The following FAM53A variants were observed in gnomAD, a reference collection of about 807,000 sequenced individuals.
The protein encoded by FAM53A is protein FAM53A.
FAM53A carries 28 observed loss-of-function variants against 26.6 expected under a neutral mutation model. The ratio of observed to expected loss-of-function variants is 1.05; its 90% CI spans 0.78 to 1.45. The LOEUF is 1.45. FAM53A is among the 40% of genes most tolerant of loss of function. The pLI is 0.00. For missense variants in FAM53A, 650 were observed against 575.8 expected (o/e 1.13, Z -1.32); for synonymous variants, 290 against 253.1 (o/e 1.15, Z -1.38).
Position 1,641,158 on chromosome 4 carries a change from C to G in FAM53A, c.*135G>C, listed in dbSNP as rs1041405438. ...GTGCCGGCGGCAGCCGTGGCCCCGA[C>G]CAGCTCACAGGAAACCTACTCTGTG... On this transcript the variant is annotated 3_prime_UTR_variant, in exon 5 of 5. Coordinates refer to ENST00000308132, the MANE Select transcript of FAM53A (RefSeq NM_001174070.3). The G allele has an allele frequency of 9.2e-6, 6 of 649,490 alleles. No homozygotes were observed. The Admixed American group carries it at 1.9e-4, about 21-fold the overall frequency. The allele number at this position is 649,490 out of a possible 1,614,324, so 40.2% of individuals were successfully genotyped here. A position where few individuals can be genotyped will look rare whatever the true frequency, so the allele number is the denominator to read the frequency against.
rs552076164 is a variant in FAM53A, at chr4:1,645,704, C to T, written c.883-4097G>A. ...AGCAGTGCGCCCCCTGCCCAGCACT[C>T]GCTTCTGCCACCTCACTCACCACCT... On this transcript the variant is annotated intron_variant, in intron 4 of 4. Coordinates refer to ENST00000308132, the MANE Select transcript of FAM53A (RefSeq NM_001174070.3). 2.0e-5 allele frequency among the ~76,000 whole-genome samples: 3 copies of T among 152,332 alleles called. No individual in the cohort carries two copies. In the East Asian group the frequency reaches 5.8e-4, roughly 29 times the overall value.
the FAM53A span, among the ~76,000 whole-genome samples, chr4:1,576,660 C>T: frequency 2.6e-5 from 4 of 152,356 alleles, no homozygotes; most frequent in East Asian, 1.9e-4. Context: ...TCCAGAAAGT[C>T]GAAGAGGCGG....
Position 1,655,715 on chromosome 4 carries a change from G to A in FAM53A, c.145C>T (p.Pro49Ser), listed in dbSNP as rs752484281. 42 of 1,566,912 alleles carry A rather than the reference G, an allele frequency of 2.7e-5. No homozygotes were observed. The highest frequency in any genetic ancestry group is 2.4e-5 in the Non-Finnish European group (28 of 1,163,630). ...LFPLELNDQS[P>S]WKVFSGGPPV... ...GGTCCTCCACTGAAGACCTTCCAGGGACTCTGGTCTACAAAAAAAGACACA... is the reference window on the plus strand; with the variant it reads ...GGTCCTCCACTGAAGACCTTCCAGGAACTCTGGTCTACAAAAAAAGACACA... Residue 49 changes from proline to serine, a missense_variant, in exon 4 of 5, where the codon CCC becomes TCC. Transcript: ENST00000308132.
chr4:1,677,965 T>G (rs998236100), intron 1 of FAM53A, among the ~76,000 whole-genome samples: 1 of 151,714 alleles, frequency 6.6e-6, no homozygotes, highest in Non-Finnish European at 1.5e-5. Context: ...TAAATAAAGT[T>G]TATACAGAGA....
chr4:1,625,004 G>A (rs780838490), intron 1 of FAM53A, among the ~76,000 whole-genome samples: 1 of 120,626 alleles, frequency 8.3e-6, no homozygotes, highest in African/African-American at 3.5e-5. Flanking sequence ...TGATCAGAAG[G>A]CCCCACGTCC....
chr4:1,647,226 C>T (rs1218288938), intron 4 of FAM53A, among the ~76,000 whole-genome samples: 1 of 151,958 alleles, frequency 6.6e-6, no homozygotes, highest in Non-Finnish European at 1.5e-5. Flanking sequence ...ATCCCAGCTA[C>T]TCAGGAGACT....
At chr4:1,629,863 G>T (rs1255435681) in intron 1 of FAM53A, among the ~76,000 whole-genome samples, 2 of 152,270 alleles carry the variant, frequency 1.3e-5, no homozygotes, top group Non-Finnish European at 2.9e-5. Context: ...CAGAGGGCTG[G>T]CCCAGCTCCA....
chr4:1,623,049 AG>A (rs951036684), intron 1 of FAM53A, among the ~76,000 whole-genome samples: 19 of 152,334 alleles, frequency 1.2e-4, no homozygotes, highest in African/African-American at 4.3e-4. Flanking sequence ...CCACGGTCAC[AG>A]GGCTGACAGT....
intron 1 of FAM53A, among the ~76,000 whole-genome samples, chr4:1,618,641 G>A (rs1040134359): frequency 3.9e-5 from 6 of 152,286 alleles, no homozygotes; most frequent in East Asian, 1.9e-4. Context: ...GGCTGTGGCC[G>A]CCAAAGATGC....
At chr4:1,631,028 G>C (rs1715589959) in intron 1 of FAM53A, among the ~76,000 whole-genome samples, 1 of 152,104 alleles carries the variant, frequency 6.6e-6, no homozygotes, top group African/African-American at 2.4e-5. Context: ...TGGTGACTGG[G>C]GGAGACCCTG....
intron 1 of FAM53A, among the ~76,000 whole-genome samples, chr4:1,632,872 A>C (rs1407441595): frequency 3.9e-5 from 6 of 152,248 alleles, no homozygotes; most frequent in African/African-American, 9.6e-5. Context: ...ACACACAGGT[A>C]CACTTACACA....
intron 1 of FAM53A, among the ~76,000 whole-genome samples, chr4:1,621,035 C>T (rs1338897441): frequency 6.6e-6 from 1 of 150,872 alleles, no homozygotes; most frequent in East Asian, 1.9e-4. Context: ...GCCTCAGTTT[C>T]AGGAAGCAAG....
In FAM53A at chr4:1,642,669, ACCC is replaced by A. The variant is rs543227706; in HGVS notation, c.883-1065_883-1063del. ...AGCCCCTCAGCACTCCCGGGCCCCC[ACCC>A]CCCGCCACCTCCCAGTCCTTGCCTC... On this transcript the variant is annotated intron_variant, in intron 4 of 4. Coordinates refer to ENST00000308132, the MANE Select transcript of FAM53A (RefSeq NM_001174070.3). Among the ~76,000 whole-genome samples the A allele has an allele frequency of 1.5e-4, 14 of 91,824 alleles. No homozygotes were observed. The Admixed American group carries it at 1.7e-3, about 11-fold the overall frequency. The allele number at this position is 91,824 out of a possible 152,430, so 60.2% of individuals were successfully genotyped here.
At chr4:1,636,585 G>A (rs7679528), downstream of FAM53A, among the ~76,000 whole-genome samples, 9,854 of 152,280 alleles carry the variant, frequency 0.065, 400 homozygotes, top group Middle Eastern at 0.16. Flanking sequence ...TGGCTCACTC[G>A]TCCCTCAGGG....
At chr4:1,616,420 GGAGCC>G (rs1381974596), downstream of FAM53A, among the ~76,000 whole-genome samples, 5 of 143,434 alleles carry the variant, frequency 3.5e-5, no homozygotes, top group Non-Finnish European at 5.9e-5. Context: ...GGATGACACG[GGAGCC>G]GAGCCATGAT....
intron 2 of FAM53A, among the ~76,000 whole-genome samples, chr4:1,666,665 C>T (rs1714258644): frequency 6.6e-6 from 1 of 152,258 alleles, no homozygotes; most frequent in Admixed American, 6.5e-5. Flanking sequence ...ATCCTTTGGT[C>T]TTGGTTAGAG....
At chr4:1,608,200 C>T in the FAM53A span, among the ~76,000 whole-genome samples, 9 of 151,736 alleles carry the variant, frequency 5.9e-5, no homozygotes, top group South Asian at 6.3e-4. Flanking sequence ...CCCCTATGGC[C>T]CCCCTGGTCT....
At chr4:1,681,366 CA>C (rs1271342816) in intron 1 of FAM53A, among the ~76,000 whole-genome samples, 11 of 152,264 alleles carry the variant, frequency 7.2e-5, no homozygotes, top group Non-Finnish European at 1.5e-4. Context: ...TCCAGCCCCA[CA>C]AGGTCGATGG....
intron 1 of FAM53A, among the ~76,000 whole-genome samples, chr4:1,624,169 G>A (rs1280277915): frequency 6.6e-6 from 1 of 152,254 alleles, no homozygotes; most frequent in East Asian, 1.9e-4. Flanking sequence ...CTGGCATTGT[G>A]GGCATGGGCA....
Sources: gnomAD v4.1 joint callset for allele counts (sites outside exome capture counted in the v4.1 genomes callset) on GRCh38, gnomAD v4.1.1 for gene constraint, MANE v1.5 for transcripts, NCBI Gene and HGNC (gene_info 2026-07-23, HGNC 2026-07-21) for gene names.